CDKL3: variants seen among roughly 807,000 people sequenced by gnomAD.
The protein encoded by CDKL3 is cyclin dependent kinase like 3.
A neutral mutation model predicts 69.3 loss-of-function variants in CDKL3; 65 were observed. The observed-to-expected ratio is 0.94, with a 90% CI of 0.77 to 1.15. The LOEUF is 1.15. CDKL3 is among the 50% of genes most tolerant of loss of function. CDKL3 has a pLI of 0.00. For missense variants in CDKL3, 652 were observed against 689.2 expected, an observed-to-expected ratio of 0.95 and a Z score of 0.61; for synonymous variants, 202 against 221.6, an observed-to-expected ratio of 0.91 and a Z score of 0.79.
chr5:134,318,736 C>T (rs1179120630), intron 6 of CDKL3, among the ~76,000 whole-genome samples: 4 of 152,044 alleles, frequency 2.6e-5, no homozygotes, highest in Non-Finnish European at 5.9e-5. Context: ...CAGCCCGTCT[C>T]GGCGTCCCAA....
chr5:134,321,687 C>T lies in CDKL3; in HGVS notation c.652+104G>A, dbSNP rs1379876171. ...TGCTGCCATCTATCAAAACAATATGCTTCCCTGTACTTACACAGAAAAGCT... is the reference window on the plus strand; with the variant it reads ...TGCTGCCATCTATCAAAACAATATGTTTCCCTGTACTTACACAGAAAAGCT... On this transcript the variant is annotated intron_variant, in intron 5 of 12. Coordinates refer to ENST00000265334, the MANE Select transcript of CDKL3 (RefSeq NM_001113575.2). 3.7e-5 allele frequency: 23 copies of T among 625,874 alleles called. 1 individual carries two copies. The South Asian group carries it at 4.1e-4, about 11-fold the overall frequency. The allele number at this position is 625,874 out of a possible 1,614,324, so 38.8% of individuals were successfully genotyped here. A position where few individuals can be genotyped will look rare whatever the true frequency, so the allele number is the denominator to read the frequency against.
chr5:134,299,386 T>C lies in CDKL3; in HGVS notation c.1720-676A>G, dbSNP rs1482622740. On this transcript the variant is annotated intron_variant, in intron 12 of 12. Transcript: ENST00000265334. The stretch of plus-strand genomic sequence containing the variant: ...CTAAACCAATGCTAAGAATGACCAC[T>C]CATCAAGTATGATTGAAATAATAGG... 1.2e-5 allele frequency: 7 copies of C among 579,324 alleles called. No individual in the cohort carries two copies. In the Admixed American group the frequency reaches 3.2e-4, roughly 27 times the overall value. 35.9% of individuals were successfully genotyped at this position (579,324 alleles called of 1,614,324 possible).
intron 4 of CDKL3, among the ~76,000 whole-genome samples, chr5:134,322,599 T>C (rs1053315267): frequency 6.6e-6 from 1 of 152,160 alleles, no homozygotes; most frequent in Non-Finnish European, 1.5e-5. Flanking sequence ...AAGAAAAAGA[T>C]TGGAAACAAC....
rs944703865 is a variant in CDKL3 at position 134,316,816 on chromosome 5, A to T, written c.792+2542T>A. Among the ~76,000 whole-genome samples the T allele has an allele frequency of 6.5e-4, 99 of 152,192 alleles. 2 individuals carry two copies. Among genetic ancestry groups the T allele is most frequent in the Non-Finnish European group, 7.3e-5 (5 of 68,040 alleles). The stretch of plus-strand genomic sequence containing the variant: ...GTAAGTAAAAATAAACAGGTTACAT[A>T]GCAATGTGTAAAGTAAGACACCTTT... On this transcript the variant is annotated intron_variant, in intron 6 of 12. Coordinates refer to ENST00000265334, the MANE Select transcript of CDKL3 (RefSeq NM_001113575.2).
chr5:134,348,684 G>A (rs1348988388), intron 4 of CDKL3, among the ~76,000 whole-genome samples: 1 of 152,160 alleles, frequency 6.6e-6, no homozygotes, highest in African/African-American at 2.4e-5. Flanking sequence ...GGGGGCTAGG[G>A]AGTATATCAG....
rs1228625464 is a variant in CDKL3, at chr5:134,350,334, C to T, written c.454G>A (p.Ala152Thr). 5.6e-6 allele frequency: 9 copies of T among 1,593,338 alleles called. No homozygotes were observed. Among genetic ancestry groups the T allele is most frequent in the Admixed American group, 1.8e-5 (1 of 56,572 alleles). ...TAGTCCGTATAAATGTCCCCAGGAG[C>T]TGCTAGTGTTCGTGCAAAACCAAAA... ...CDFGFARTLA[A>T]PGDIYTDYVA... Residue 152 changes from alanine (A) to threonine (T), a missense_variant, in exon 4 of 13, where the codon GCT (alanine) becomes ACT (threonine). Transcript: ENST00000265334.
intron 3 of CDKL3, among the ~76,000 whole-genome samples, chr5:134,358,358 CTACT>C (rs1405273146): frequency 3.3e-5 from 5 of 152,190 alleles, no homozygotes; most frequent in Non-Finnish European, 5.9e-5. Flanking sequence ...GTTCAAAATT[CTACT>C]TACTTTAGTT....
intron 3 of CDKL3, among the ~76,000 whole-genome samples, chr5:134,351,422 A>AT (rs903838899): frequency 3.2e-4 from 48 of 152,234 alleles, no homozygotes; most frequent in African/African-American, 1.1e-3. Flanking sequence ...TTAAGAAATT[A>AT]TTTTTTAAAG....
intron 4 of CDKL3, among the ~76,000 whole-genome samples, chr5:134,337,147 C>T (rs1561588931): frequency 6.6e-6 from 1 of 152,204 alleles, no homozygotes; most frequent in African/African-American, 2.4e-5. Flanking sequence ...GGCATGGGAC[C>T]TGCTGAGCCA....
intron 10 of CDKL3, 127 bp downstream of exon 10, chr5:134,306,482 G>GA: frequency 1.6e-6 from 1 of 628,768 alleles, no homozygotes; most frequent in South Asian, 1.9e-5. Context: ...GGGCAACAGA[G>GA]AGAGATCCTC....
chr5:134,353,347 A>G lies in CDKL3; in HGVS notation c.361-2920T>C, dbSNP rs948496355. 2.6e-5 allele frequency among the ~76,000 whole-genome samples: 4 copies of G among 152,192 alleles called. No individual in the cohort carries two copies. In the South Asian group the frequency reaches 8.3e-4, roughly 32 times the overall value. ...GAACCACCACTTACTCCATAACGCAAGCCAGAAACCAAGGGCATTTTTCTC... is the reference window on the plus strand; with the variant it reads ...GAACCACCACTTACTCCATAACGCAGGCCAGAAACCAAGGGCATTTTTCTC... On this transcript the variant is annotated intron_variant, in intron 3 of 12. Transcript: ENST00000265334.
chr5:134,352,088 C>T (rs1753438341), intron 3 of CDKL3, among the ~76,000 whole-genome samples: 1 of 152,118 alleles, frequency 6.6e-6, no homozygotes, highest in South Asian at 2.1e-4. Flanking sequence ...CTACTCTCTA[C>T]TTCTATGAGT....
chr5:134,331,509 T>C (rs1246576347), intron 4 of CDKL3, among the ~76,000 whole-genome samples: 1 of 152,012 alleles, frequency 6.6e-6, no homozygotes, highest in Non-Finnish European at 1.5e-5. Context: ...CCTGTGTCCA[T>C]GTGTTCTCAT....
chr5:134,336,864 C>T (rs1051803120), intron 4 of CDKL3, among the ~76,000 whole-genome samples: 1 of 152,224 alleles, frequency 6.6e-6, no homozygotes, highest in Non-Finnish European at 1.5e-5. Flanking sequence ...CTCTTCAGAG[C>T]TGTCAGGCAG....
At chr5:134,362,458 G>A (rs1343650872) in intron 2 of CDKL3, among the ~76,000 whole-genome samples, 1 of 152,172 alleles carries the variant, frequency 6.6e-6, no homozygotes, top group Non-Finnish European at 1.5e-5. Context: ...GGCCGAGGTT[G>A]TGGTGAGCTG....
chr5:134,296,815 ACGCACG>A (rs1765376182), downstream of CDKL3, among the ~76,000 whole-genome samples: 2 of 150,262 alleles, frequency 1.3e-5, no homozygotes, highest in African/African-American at 4.9e-5. Context: ...ACACACACAC[ACGCACG>A]CACACACACG....
chr5:134,363,873 G>A (rs1756675316), intron 2 of CDKL3, among the ~76,000 whole-genome samples: 1 of 150,344 alleles, frequency 6.7e-6, no homozygotes. Flanking sequence ...CAGGAAGATC[G>A]CTTAAGCCCA....
chr5:134,364,265 G>A (rs919690025), intron 2 of CDKL3, among the ~76,000 whole-genome samples: 1 of 152,094 alleles, frequency 6.6e-6, no homozygotes, highest in Non-Finnish European at 1.5e-5. Flanking sequence ...GGGCTGAACT[G>A]TCACACCTAC....
At chr5:134,298,822 A>G (rs1251587571) in intron 12 of CDKL3, 112 bp from the exon 13 acceptor site, 1 of 1,408,314 alleles carries the variant, frequency 7.1e-7, no homozygotes, top group African/African-American at 1.4e-5. Context: ...AATTATAAAC[A>G]TGCTAGTCAA....
Sources: allele counts gnomAD v4.1 joint callset (sites outside exome capture counted in the v4.1 genomes callset), GRCh38; gene constraint gnomAD v4.1.1; transcripts MANE v1.5; gene names NCBI Gene and HGNC (gene_info 2026-07-23, HGNC 2026-07-21).